Variants in ERC1 observed in about 807,000 individuals in gnomAD.
ERC1 encodes ELKS/RAB6-interacting/CAST family member 1, also known as RAB6 interacting protein 2.
ERC1 carries 56 observed loss-of-function variants against 132.0 expected under a neutral mutation model. The ratio of observed to expected loss-of-function variants is 0.42; its 90% CI spans 0.34 to 0.53. ERC1 has a LOEUF of 0.53. Among genes scored for constraint, ERC1 ranks in the 20% least tolerant of loss-of-function variants. The pLI is 0.03. For missense variants in ERC1, 1,202 were observed against 1,349.9 expected, an observed-to-expected ratio of 0.89 and a Z score of 1.72; for synonymous variants, 478 against 476.1, an observed-to-expected ratio of 1.00 and a Z score of -0.05.
In ERC1 at chr12:1,444,782, C is replaced by T. The variant is rs747266340; in HGVS notation, c.3213+32C>T. Reference sequence around the variant, plus strand: ...CTCTCACTCAAACTTTGAAAAGAGCCTGTGAAAATCCAGTTGCTGTGTAGG... The same window carrying T: ...CTCTCACTCAAACTTTGAAAAGAGCTTGTGAAAATCCAGTTGCTGTGTAGG... On this transcript the variant is annotated intron_variant, in intron 18 of 18. Coordinates refer to ENST00000360905, the MANE Select transcript of ERC1 (RefSeq NM_178040.4). The T allele has an allele frequency of 1.2e-5, 19 of 1,602,120 alleles. No homozygotes were observed. In the East Asian group the frequency reaches 4.2e-4, roughly 36 times the overall value.
At chr12:1,020,985 G>A (rs560434197) in intron 1 of ERC1, among the ~76,000 whole-genome samples, 26 of 152,246 alleles carry the variant, frequency 1.7e-4, no homozygotes, top group Admixed American at 4.6e-4. Flanking sequence ...TTTCACCCAG[G>A]CAGGAGTGCA....
chr12:1,284,418 T>A (rs1566482385), intron 14 of ERC1, among the ~76,000 whole-genome samples: 1 of 152,136 alleles, frequency 6.6e-6, no homozygotes. Flanking sequence ...AAATATCTAT[T>A]TGATATACTG....
intron 16 of ERC1, chr12:1,385,984 G>T (rs958193751): frequency 2.0e-5 from 3 of 148,856 alleles, no homozygotes; most frequent in Non-Finnish European, 4.4e-5. Context: ...TACTCTCCTT[G>T]TCAGAGATCA....
intron 12 of ERC1, among the ~76,000 whole-genome samples, chr12:1,235,898 A>G (rs574129308): frequency 6.6e-6 from 1 of 152,316 alleles, no homozygotes; most frequent in South Asian, 2.1e-4. Context: ...GAAGATGGAA[A>G]CAATGCAATT....
chr12:1,418,113 T>C (rs936806940), intron 17 of ERC1, among the ~76,000 whole-genome samples: 1 of 152,228 alleles, frequency 6.6e-6, no homozygotes. Flanking sequence ...AAACTTGACC[T>C]ACCTCTGAAG....
At chr12:1,071,702 C>T (rs892970471) in intron 2 of ERC1, among the ~76,000 whole-genome samples, 1 of 152,058 alleles carries the variant, frequency 6.6e-6, no homozygotes, top group Non-Finnish European at 1.5e-5. Context: ...ACAATGTTCT[C>T]TTTTGATAAG....
chr12:1,413,277 C>G (rs974088619), intron 17 of ERC1, among the ~76,000 whole-genome samples: 25 of 152,212 alleles, frequency 1.6e-4, no homozygotes, highest in Non-Finnish European at 3.4e-4. Flanking sequence ...ACAGTTCCTT[C>G]ACTCTCCTCT....
chr12:1,132,198 A>G (rs1451560002), intron 7 of ERC1, among the ~76,000 whole-genome samples: 1 of 152,220 alleles, frequency 6.6e-6, no homozygotes, highest in Non-Finnish European at 1.5e-5. Flanking sequence ...TCTCCAGACT[A>G]GCATATTTGA....
intron 12 of ERC1, among the ~76,000 whole-genome samples, chr12:1,199,885 G>A (rs1956743536): frequency 1.3e-5 from 2 of 151,732 alleles, no homozygotes; most frequent in African/African-American, 4.8e-5. Context: ...AACAAGATTA[G>A]CCCAAATCCT....
intron 16 of ERC1, among the ~76,000 whole-genome samples, chr12:1,388,248 G>A (rs1342434748): frequency 1.1e-4 from 17 of 151,480 alleles, no homozygotes; most frequent in Admixed American, 1.1e-3. Context: ...ACTCGGAGAG[G>A]CTGAGGCAGG....
intron 16 of ERC1, among the ~76,000 whole-genome samples, chr12:1,404,958 G>A (rs1207700628): frequency 1.3e-5 from 2 of 151,504 alleles, no homozygotes; most frequent in East Asian, 3.9e-4. Flanking sequence ...GGCCAGCATA[G>A]CAAAACCCTG....
chr12:1,093,655 G>A (rs1943538733), intron 3 of ERC1, among the ~76,000 whole-genome samples: 1 of 151,754 alleles, frequency 6.6e-6, no homozygotes, highest in Non-Finnish European at 1.5e-5. Context: ...CTAGTTTTTT[G>A]TCTGTATTTT....
intron 1 of ERC1, among the ~76,000 whole-genome samples, chr12:1,027,030 A>G (rs1967004530): frequency 1.3e-5 from 2 of 152,242 alleles, no homozygotes; most frequent in African/African-American, 4.8e-5. Flanking sequence ...CCATGAACAC[A>G]GATAACTTTG....
intron 2 of ERC1, among the ~76,000 whole-genome samples, chr12:1,042,807 C>G (rs1970471411): frequency 6.6e-6 from 1 of 152,012 alleles, no homozygotes; most frequent in Non-Finnish European, 1.5e-5. Context: ...TTTTGATTAT[C>G]TTTCATGGAT....
intron 12 of ERC1, among the ~76,000 whole-genome samples, chr12:1,226,823 T>C (rs752016277): frequency 7.9e-5 from 12 of 152,128 alleles, no homozygotes; most frequent in Non-Finnish European, 1.0e-4. Context: ...ATTACAGGTG[T>C]GTACCACCAG....
chr12:1,464,741 C>T (rs150576849), intron 18 of ERC1, among the ~76,000 whole-genome samples: 146 of 151,702 alleles, frequency 9.6e-4, no homozygotes, highest in Non-Finnish European at 1.7e-3. Context: ...AGGGTGGTCT[C>T]GATCTCTTGA....
chr12:1,014,927 C>T (rs531985311), intron 1 of ERC1, among the ~76,000 whole-genome samples: 22 of 151,930 alleles, frequency 1.4e-4, no homozygotes, highest in African/African-American at 5.1e-4. Context: ...CCATGCCTGG[C>T]TAATTTTTGT....
intron 1 of ERC1, 199 bp downstream of exon 1, chr12:991,521 A>AGCCCGGGGGGTGGGGAGGGGCGG (rs1959234893): frequency 6.6e-6 from 1 of 151,984 alleles, no homozygotes; most frequent in African/African-American, 2.4e-5. Flanking sequence ...CCTCCTCGGC[A>AGCCCGGGGGGTGGGGAGGGGCGG]GCCCGGGGGG....
chr12:1,135,153 AG>A (rs1389740687), intron 7 of ERC1, among the ~76,000 whole-genome samples: 1 of 152,152 alleles, frequency 6.6e-6, no homozygotes, highest in African/African-American at 2.4e-5. Context: ...ACTTGCCCAA[AG>A]GGGGCTTGGG....
Sources: allele counts gnomAD v4.1 joint callset (sites outside exome capture counted in the v4.1 genomes callset), GRCh38; gene constraint gnomAD v4.1.1; transcripts MANE v1.5; gene names NCBI Gene and HGNC (gene_info 2026-07-23, HGNC 2026-07-21).